ZRANB1: variants seen among roughly 807,000 people sequenced by gnomAD.
ZRANB1 encodes the protein zinc finger RANBP2-type containing 1.
ZRANB1 carries 16 observed loss-of-function variants against 80.5 expected under a neutral mutation model. The observed-to-expected ratio is 0.20, with a 90% CI of 0.13 to 0.30. The LOEUF is 0.30. ZRANB1 is among the 10% of genes least tolerant of loss of function. The pLI, the probability that ZRANB1 is intolerant of heterozygous loss-of-function variation, is 1.00. For missense variants in ZRANB1, 576 were observed against 862.6 expected, an observed-to-expected ratio of 0.67 and a Z score of 4.16; for synonymous variants, 291 against 293.1, an observed-to-expected ratio of 0.99 and a Z score of 0.07.
At chr10:124,969,024 A>G (rs1226033863) in intron 2 of ZRANB1, among the ~76,000 whole-genome samples, 2 of 152,160 alleles carry the variant, frequency 1.3e-5, no homozygotes, top group African/African-American at 2.4e-5. Flanking sequence ...AAAAGACTCA[A>G]CTGGGGCTAG....
rs1951830720 is a variant in ZRANB1 at position 124,972,051 on chromosome 10, T to C, written c.1089T>C (p.Leu363=). The part of the protein sequence containing the change: ...EQIRREIAAS[L]HQRKGDFACY... ...TCCGGAGAGAGATAGCTGCCTCTCT[T>C]CATCAGAGAAAGGGGGATTTTGCTT... is the stretch of plus-strand genomic sequence containing the variant. Residue 363 remains leucine, a synonymous_variant, in exon 3 of 9, where the codon CTT becomes CTC. Coordinates refer to ENST00000359653, the MANE Select transcript of ZRANB1 (RefSeq NM_017580.3). 1.2e-6 allele frequency: 2 copies of C among 1,613,788 alleles called. No individual in the cohort carries two copies. The highest frequency in any genetic ancestry group is 2.2e-5 in the South Asian group (2 of 91,050).
At chr10:124,975,897 G>A (rs1951872789) in intron 5 of ZRANB1, among the ~76,000 whole-genome samples, 1 of 152,162 alleles carries the variant, frequency 6.6e-6, no homozygotes, top group Non-Finnish European at 1.5e-5. Flanking sequence ...AGCTATTCAG[G>A]AAGCTGAGGC....
At chr10:124,938,903 A>G (rs1951511197), upstream of ZRANB1, among the ~76,000 whole-genome samples, 1 of 151,932 alleles carries the variant, frequency 6.6e-6, no homozygotes, top group South Asian at 2.1e-4. Context: ...TTGGTCGGGC[A>G]TAGTGGCTCG....
chr10:124,942,398 AG>A lies in ZRANB1; in HGVS notation c.-95del. On this transcript the variant is annotated 5_prime_UTR_variant, in exon 1 of 9. The change abolishes the stop of an existing upstream ORF in the 5' untranslated region. Transcript: ENST00000359653. Reference sequence around the variant, plus strand: ...AGGTTGAAGGACTTGCTTTTTGGGCAGCGTATTTTTGGAGGTGGAATGTAGT... The same window carrying A: ...AGGTTGAAGGACTTGCTTTTTGGGCACGTATTTTTGGAGGTGGAATGTAGT... 1 of 1,534,184 alleles carries A rather than the reference AG, an allele frequency of 6.5e-7. No individual in the cohort carries two copies. The highest frequency in any genetic ancestry group is 8.8e-7 in the Non-Finnish European group (1 of 1,142,516).
chr10:124,973,929 G>A (rs949382889), intron 4 of ZRANB1, among the ~76,000 whole-genome samples: 8 of 152,114 alleles, frequency 5.3e-5, no homozygotes, highest in East Asian at 1.9e-4. Context: ...TTGGTTCTCC[G>A]CTTCCTGTTC....
At chr10:124,962,823 A>G (rs180942277) in intron 1 of ZRANB1, among the ~76,000 whole-genome samples, 7 of 152,306 alleles carry the variant, frequency 4.6e-5, no homozygotes, top group Admixed American at 1.3e-4. Context: ...ATTTCATTCA[A>G]TTTTGAATGT....
At chr10:124,949,575 G>T (rs1951618815) in intron 1 of ZRANB1, among the ~76,000 whole-genome samples, 1 of 145,934 alleles carries the variant, frequency 6.9e-6, no homozygotes, top group African/African-American at 2.5e-5. Context: ...ATGCTGGAGT[G>T]CAGTGGTGCG....
intron 6 of ZRANB1, 116 bp downstream of exon 6, chr10:124,981,945 G>T (rs902390240): frequency 4.6e-6 from 6 of 1,306,170 alleles, no homozygotes; most frequent in African/African-American, 3.0e-5. Flanking sequence ...AATGCTTGAC[G>T]TGGTATCATC....
chr10:124,971,888 A>G, intron 2 of ZRANB1, 77 bp from the exon 3 acceptor site: 27 of 1,385,436 alleles, frequency 1.9e-5, no homozygotes, highest in Non-Finnish European at 2.6e-5. Flanking sequence ...AATTTTGCTG[A>G]TTTCTTTTAA....
chr10:124,969,667 G>C (rs1474252373), intron 2 of ZRANB1, among the ~76,000 whole-genome samples: 1 of 152,184 alleles, frequency 6.6e-6, no homozygotes, highest in East Asian at 1.9e-4. Context: ...TGAAGTAATA[G>C]CTACCAAAAT....
intron 1 of ZRANB1, among the ~76,000 whole-genome samples, chr10:124,948,630 A>T (rs989770226): frequency 6.6e-6 from 1 of 151,668 alleles, no homozygotes; most frequent in African/African-American, 2.4e-5. Flanking sequence ...GAGGTCCTCC[A>T]TGACTGCCGT....
the ZRANB1 span, among the ~76,000 whole-genome samples, chr10:124,921,083 G>C: frequency 1.3e-5 from 2 of 152,146 alleles, no homozygotes; most frequent in African/African-American, 4.8e-5. Flanking sequence ...TCTTTGCCCT[G>C]TAGAGGATGT....
chr10:124,959,642 A>T (rs1472417152), intron 1 of ZRANB1, among the ~76,000 whole-genome samples: 1 of 151,998 alleles, frequency 6.6e-6, no homozygotes, highest in Non-Finnish European at 1.5e-5. Context: ...TATTCTTTAA[A>T]TTTTTTGTGG....
chr10:124,986,283 GCGCGCGCGCACACA>G lies in ZRANB1; in HGVS notation c.*1293_*1306del, dbSNP rs1266493274. ...ATTTGGAAAGACGACACACGCACGC[GCGCGCGCGCACACA>G]CACACACACACACACACACACACAC... is the stretch of plus-strand genomic sequence containing the variant. On this transcript the variant is annotated 3_prime_UTR_variant, in exon 9 of 9. Coordinates refer to ENST00000359653, the MANE Select transcript of ZRANB1 (RefSeq NM_017580.3). 32 of 45,460 alleles carry G rather than the reference GCGCGCGCGCACACA, an allele frequency of 7.0e-4. No homozygotes were observed. The highest frequency in any genetic ancestry group is 1.6e-3 in the South Asian group (1 of 626). 2.8% of individuals were successfully genotyped at this position (45,460 alleles called of 1,614,324 possible).
chr10:124,984,991 GA>G lies in ZRANB1; in HGVS notation c.*9del, dbSNP rs535580590. 2.3e-4 allele frequency: 352 copies of G among 1,518,498 alleles called. No homozygotes were observed. The highest frequency in any genetic ancestry group is 4.5e-4 in the Admixed American group (24 of 53,054). The allele number at this position is 1,518,498 out of a possible 1,614,324, so 94.1% of individuals were successfully genotyped here. A position where few individuals can be genotyped will look rare whatever the true frequency, so the allele number is the denominator to read the frequency against. On this transcript the variant is annotated frameshift_variant and stop_lost, in exon 9 of 9. Coordinates refer to ENST00000359653, the MANE Select transcript of ZRANB1 (RefSeq NM_017580.3). LOFTEE classifies it high-confidence loss of function. ...GAAGATGAGGATGATGAAGATGAAT[GA>G]AAAAAAAAATCAAACAGCAGAAGAC... ...GEEDEDDEDE[*>X]
rs1366236210 is a variant in ZRANB1, at chr10:124,987,141, A to C, written c.*2149A>C. On this transcript the variant is annotated 3_prime_UTR_variant, in exon 9 of 9. Transcript: ENST00000359653. ...AAAGGCCAAAAATTTTGGTAAATCA[A>C]TGCTATATTATGCTCTTGAACTATT... 1 of 152,586 alleles carries C rather than the reference A, an allele frequency of 6.6e-6. No homozygotes were observed. Among genetic ancestry groups the C allele is most frequent in the Non-Finnish European group, 1.5e-5 (1 of 68,028 alleles). The allele number at this position is 152,586 out of a possible 1,614,324, so 9.5% of individuals were successfully genotyped here. A position where few individuals can be genotyped will look rare whatever the true frequency, so the allele number is the denominator to read the frequency against.
chr10:124,962,246 A>G (rs1951740082), intron 1 of ZRANB1: 1 of 234,884 alleles, frequency 4.3e-6, no homozygotes, highest in Non-Finnish European at 7.0e-6. Context: ...GGTAAAGGAC[A>G]TTCTGAACAT....
At chr10:124,929,944 CAAAAAA>C in the ZRANB1 span, among the ~76,000 whole-genome samples, 1 of 87,806 alleles carries the variant, frequency 1.1e-5, no homozygotes. Flanking sequence ...GACTCTGTCT[CAAAAAA>C]AAAAAAAAAA....
chr10:124,975,036 C>A (rs962390068), intron 5 of ZRANB1, among the ~76,000 whole-genome samples: 1 of 152,182 alleles, frequency 6.6e-6, no homozygotes, highest in African/African-American at 2.4e-5. Context: ...TGATCTCAAG[C>A]GATCCGCCTG....
Sources: allele counts gnomAD v4.1 joint callset (sites outside exome capture counted in the v4.1 genomes callset), GRCh38; gene constraint gnomAD v4.1.1; transcripts MANE v1.5; gene names NCBI Gene and HGNC (gene_info 2026-07-23, HGNC 2026-07-21).